EFHD1: variants seen among roughly 807,000 people sequenced by gnomAD.
EFHD1 encodes EF-hand domain-containing protein D1.
In EFHD1, 10 loss-of-function variants were observed where a neutral mutation model predicts 17.2. That is an observed-to-expected ratio of 0.58 (90% CI 0.36 to 0.99). EFHD1 has a LOEUF of 0.99. Ranked by LOEUF, EFHD1 falls within the 50% of genes least tolerant of loss-of-function variation. The pLI, the probability that EFHD1 is intolerant of heterozygous loss-of-function variation, is 0.01. For synonymous variants in EFHD1, 153 were observed against 142.0 expected (o/e 1.08, Z -0.55); for missense variants, 310 against 327.5 (o/e 0.95, Z 0.41).
chr2:232,606,318 C>T lies in EFHD1; in HGVS notation c.14+145C>T, dbSNP rs536375643. The T allele has an allele frequency of 3.5e-5, 35 of 993,758 alleles. No homozygotes were observed. The East Asian group carries it at 5.2e-4, about 15-fold the overall frequency. 61.6% of individuals were successfully genotyped at this position (993,758 alleles called of 1,614,324 possible). On this transcript the variant is annotated intron_variant, in intron 1 of 3. Transcript: ENST00000409613. Reference sequence around the variant, plus strand: ...GGCACTCCCGGCCCTCGCTTCCCTGCCCCGCGCACGGTCTGCGATCGGCTG... The same window carrying T: ...GGCACTCCCGGCCCTCGCTTCCCTGTCCCGCGCACGGTCTGCGATCGGCTG...
chr2:232,635,957 C>T lies in EFHD1; in HGVS notation c.302+1951C>T, dbSNP rs114565508. 4.8e-3 allele frequency among the ~76,000 whole-genome samples: 731 copies of T among 152,194 alleles called. 4 individuals carry two copies. Among genetic ancestry groups the T allele is most frequent in the Middle Eastern group, 6.8e-3 (2 of 294 alleles). On this transcript the variant is annotated intron_variant, in intron 1 of 3. Coordinates refer to ENST00000264059, the MANE Select transcript of EFHD1 (RefSeq NM_025202.4). Reference sequence around the variant, plus strand: ...GCAACCAAAATTGGCATAAACAAAACGAGAATAATTTGGCTGAGGAAACCA... The same window carrying T: ...GCAACCAAAATTGGCATAAACAAAATGAGAATAATTTGGCTGAGGAAACCA...
intron 1 of EFHD1, among the ~76,000 whole-genome samples, chr2:232,655,881 A>T (rs1169454168): frequency 2.1e-5 from 3 of 142,484 alleles, no homozygotes; most frequent in Non-Finnish European, 4.5e-5. Flanking sequence ...ACCTCGGCTT[A>T]CTGCAAGCTC....
chr2:232,677,207 TACAC>T (rs61607311), intron 3 of EFHD1, among the ~76,000 whole-genome samples: 67 of 131,350 alleles, frequency 5.1e-4, no homozygotes, highest in African/African-American at 1.2e-3. Context: ...ACCCCATCTC[TACAC>T]ACACACACAC....
chr2:232,666,658 G>T (rs527458150), intron 2 of EFHD1, among the ~76,000 whole-genome samples: 46 of 152,252 alleles, frequency 3.0e-4, no homozygotes, highest in African/African-American at 1.1e-3. Context: ...ATCTCCAAAG[G>T]GTTCCTGTGA....
chr2:232,607,487 G>A (rs1047775590), intron 1 of EFHD1, among the ~76,000 whole-genome samples: 3 of 151,302 alleles, frequency 2.0e-5, no homozygotes, highest in African/African-American at 7.3e-5. Context: ...CCAGATACTC[G>A]GGAGGCTGAG....
chr2:232,613,215 G>A (rs1239628612), intron 1 of EFHD1, among the ~76,000 whole-genome samples: 1 of 151,946 alleles, frequency 6.6e-6, no homozygotes, highest in Non-Finnish European at 1.5e-5. Flanking sequence ...CTTGAGCCCA[G>A]GAGTTCAAGA....
chr2:232,661,387 G>A (rs13424032), intron 1 of EFHD1, among the ~76,000 whole-genome samples: 24,678 of 151,890 alleles, frequency 0.16, 2,298 homozygotes, highest in Middle Eastern at 0.23. Flanking sequence ...TAAGAACATC[G>A]CAGAAGTGGC....
At chr2:232,611,086 G>T (rs911205710) in intron 1 of EFHD1, among the ~76,000 whole-genome samples, 1 of 152,174 alleles carries the variant, frequency 6.6e-6, no homozygotes, top group Non-Finnish European at 1.5e-5. Flanking sequence ...GCTGAGATGA[G>T]GGGATCCCTT....
chr2:232,679,297 AAGTT>A (rs1695232420), intron 3 of EFHD1, among the ~76,000 whole-genome samples: 1 of 152,224 alleles, frequency 6.6e-6, no homozygotes, highest in South Asian at 2.1e-4. Context: ...AAATGCCTTA[AAGTT>A]AAAAGACGAG....
At chr2:232,660,234 A>G (rs930539441) in intron 1 of EFHD1, among the ~76,000 whole-genome samples, 7 of 151,136 alleles carry the variant, frequency 4.6e-5, no homozygotes, top group South Asian at 2.1e-4. Flanking sequence ...TTGCTCTGTC[A>G]CCCAGGCTGG....
chr2:232,655,781 T>C (rs539243143), intron 1 of EFHD1, among the ~76,000 whole-genome samples: 1 of 150,666 alleles, frequency 6.6e-6, no homozygotes, highest in South Asian at 2.1e-4. Flanking sequence ...CTTCCACCCC[T>C]GTCCTGTCCT....
chr2:232,607,857 G>C (rs1198643107), intron 1 of EFHD1, among the ~76,000 whole-genome samples: 1 of 151,844 alleles, frequency 6.6e-6, no homozygotes, highest in Admixed American at 6.6e-5. Context: ...ACTTTGAGAG[G>C]CCAAGTCGGG....
exon 1 of EFHD1, chr2:232,606,147 C>G: frequency 6.5e-7 from 1 of 1,550,186 alleles, no homozygotes; most frequent in Non-Finnish European, 8.7e-7. Flanking sequence ...CGCTGACAGT[C>G]CCCAGACATA....
intron 1 of EFHD1, among the ~76,000 whole-genome samples, chr2:232,612,734 CT>C (rs112158565): frequency 0.21 from 27,897 of 133,348 alleles, 3,840 homozygotes; most frequent in African/African-American, 0.44. Context: ...TTTTTCTTTT[CT>C]TTTTTTTTTT....
chr2:232,678,396 A>G (rs1695216042), intron 3 of EFHD1, among the ~76,000 whole-genome samples: 1 of 152,252 alleles, frequency 6.6e-6, no homozygotes. Context: ...GAAAAAAGTC[A>G]TTTAAATTAA....
Position 232,681,577 on chromosome 2 carries a change from C to T in EFHD1, c.586-8C>T, listed in dbSNP as rs775173482. On this transcript the variant is annotated splice_region_variant and splice_polypyrimidine_tract_variant and intron_variant, in intron 3 of 3. Coordinates refer to ENST00000264059, the MANE Select transcript of EFHD1 (RefSeq NM_025202.4). ...CTCGTTTGGTCTATGTCTGCTATTT[C>T]TCTGCAGGTCCAAGCCTTGTCATCG... 1.5e-5 allele frequency: 25 copies of T among 1,613,490 alleles called. No homozygotes were observed. The highest frequency in any genetic ancestry group is 2.0e-5 in the Non-Finnish European group (24 of 1,179,746).
chr2:232,635,181 C>A (rs1461714934), intron 1 of EFHD1, among the ~76,000 whole-genome samples: 1 of 152,196 alleles, frequency 6.6e-6, no homozygotes, highest in Non-Finnish European at 1.5e-5. Flanking sequence ...AAGAATGCGG[C>A]TGGGGCGAAA....
At chr2:232,617,660 A>G (rs1272896876) in intron 1 of EFHD1, among the ~76,000 whole-genome samples, 1 of 149,368 alleles carries the variant, frequency 6.7e-6, no homozygotes, top group African/African-American at 2.5e-5. Context: ...CTCAAAAAAA[A>G]AAAAAAAAGA....
At chr2:232,673,825 C>T (rs1695122150) in intron 3 of EFHD1, among the ~76,000 whole-genome samples, 1 of 151,864 alleles carries the variant, frequency 6.6e-6, no homozygotes, top group African/African-American at 2.4e-5. Context: ...AACTTTGACC[C>T]AACTTTTTGT....
Sources: gnomAD v4.1 joint callset for allele counts (sites outside exome capture counted in the v4.1 genomes callset) on GRCh38, gnomAD v4.1.1 for gene constraint, MANE v1.5 for transcripts, NCBI Gene and HGNC (gene_info 2026-07-23, HGNC 2026-07-21) for gene names.